Variants in CNTNAP2 observed in about 807,000 individuals in gnomAD.
CNTNAP2 encodes contactin-associated protein-like 2.
A neutral mutation model predicts 155.2 loss-of-function variants in CNTNAP2; 98 were observed. That is an observed-to-expected ratio of 0.63 (90% CI 0.54 to 0.75). The LOEUF is 0.75. Among genes scored for constraint, CNTNAP2 ranks in the 30% least tolerant of loss-of-function variants. CNTNAP2 has a pLI of 0.00. For synonymous variants in CNTNAP2, 651 were observed against 631.2 expected, an observed-to-expected ratio of 1.03 and a Z score of -0.47; for missense variants, 1,727 against 1,688.1, an observed-to-expected ratio of 1.02 and a Z score of -0.40.
intron 1 of CNTNAP2, among the ~76,000 whole-genome samples, chr7:146,122,665 C>CATTA (rs1465412521): frequency 6.6e-6 from 1 of 152,148 alleles, no homozygotes; most frequent in East Asian, 1.9e-4. Context: ...TTCATTCATT[C>CATTA]ATTCATTCAT....
At chr7:147,817,505 G>A (rs144487739) in intron 13 of CNTNAP2, among the ~76,000 whole-genome samples, 63 of 152,250 alleles carry the variant, frequency 4.1e-4, no homozygotes, top group Middle Eastern at 3.4e-3. Context: ...AGTGTATATT[G>A]CTCAGTTGAT....
At chr7:146,759,821 G>T (rs928295452) in intron 1 of CNTNAP2, among the ~76,000 whole-genome samples, 20 of 151,998 alleles carry the variant, frequency 1.3e-4, no homozygotes, top group South Asian at 4.2e-4. Flanking sequence ...TATGGAAAAA[G>T]GTTCGCAGTT....
chr7:147,569,242 G>A (rs1053667627), intron 12 of CNTNAP2, among the ~76,000 whole-genome samples: 5 of 152,088 alleles, frequency 3.3e-5, no homozygotes, highest in Non-Finnish European at 5.9e-5. Context: ...TATTAGTATC[G>A]TATTTAGTAT....
chr7:148,145,295 T>C (rs1161425752), intron 16 of CNTNAP2, among the ~76,000 whole-genome samples: 3 of 152,068 alleles, frequency 2.0e-5, no homozygotes, highest in African/African-American at 7.2e-5. Context: ...CAGAATAAAA[T>C]ATTGATGTTA....
intron 4 of CNTNAP2, among the ~76,000 whole-genome samples, chr7:147,106,224 C>T (rs753649670): frequency 1.3e-5 from 2 of 152,016 alleles, no homozygotes; most frequent in South Asian, 4.2e-4. Context: ...AAATTGACTG[C>T]AAAACTACTG....
chr7:147,781,879 T>C (rs1428556310), intron 13 of CNTNAP2, among the ~76,000 whole-genome samples: 5 of 151,994 alleles, frequency 3.3e-5, no homozygotes, highest in East Asian at 1.9e-4. Flanking sequence ...AAAAATTAGC[T>C]GGGCGTGGCG....
chr7:146,320,574 T>C (rs919851241), intron 1 of CNTNAP2, among the ~76,000 whole-genome samples: 35 of 152,178 alleles, frequency 2.3e-4, no homozygotes, highest in Non-Finnish European at 1.3e-4. Flanking sequence ...GACTCTATGA[T>C]CAGAACTAAT....
At position 146,616,518 on chromosome 7, in the gene CNTNAP2, A is replaced by G. The variant is rs192860216; in HGVS notation, c.98-157753A>G. ...TCTTCGTCACTTAACCCCAGCTTCA[A>G]TGAAGTTGTTCAGATGGTTGGTGTT... is the stretch of plus-strand genomic sequence containing the variant. On this transcript the variant is annotated intron_variant, in intron 1 of 23. Coordinates refer to ENST00000361727, the MANE Select transcript of CNTNAP2 (RefSeq NM_014141.6). Among the ~76,000 whole-genome samples the G allele has an allele frequency of 2.1e-4, 32 of 152,276 alleles. No homozygotes were observed. The South Asian group carries it at 5.8e-3, about 28-fold the overall frequency.
chr7:146,583,838 A>T (rs1798648277), intron 1 of CNTNAP2, among the ~76,000 whole-genome samples: 1 of 152,176 alleles, frequency 6.6e-6, no homozygotes, highest in Admixed American at 6.5e-5. Context: ...AATACCCTAA[A>T]GATATTGTGA....
At chr7:147,431,127 G>C (rs1167141529) in intron 10 of CNTNAP2, among the ~76,000 whole-genome samples, 1 of 151,840 alleles carries the variant, frequency 6.6e-6, no homozygotes, top group Non-Finnish European at 1.5e-5. Flanking sequence ...CAGGTCATAT[G>C]GTATGACTGG....
intron 15 of CNTNAP2, among the ~76,000 whole-genome samples, chr7:148,061,817 T>A (rs1418994143): frequency 6.6e-6 from 1 of 150,736 alleles, no homozygotes; most frequent in East Asian, 2.0e-4. Context: ...TGTGCATGTG[T>A]GTGTGTAGTC....
intron 6 of CNTNAP2, among the ~76,000 whole-genome samples, chr7:147,127,053 G>A (rs1231245111): frequency 3.3e-5 from 5 of 152,022 alleles, no homozygotes; most frequent in East Asian, 3.9e-4. Flanking sequence ...AAACATTGAC[G>A]GTATTATTAC....
chr7:148,363,827 C>T (rs1217105671), intron 21 of CNTNAP2, among the ~76,000 whole-genome samples: 2 of 140,488 alleles, frequency 1.4e-5, no homozygotes, highest in Admixed American at 6.9e-5. Flanking sequence ...GGGAGAGGCA[C>T]GAGCGGGAAC....
intron 13 of CNTNAP2, among the ~76,000 whole-genome samples, chr7:147,661,555 CTTTT>C (rs71937773): frequency 5.7e-5 from 8 of 139,574 alleles, no homozygotes; most frequent in African/African-American, 1.1e-4. Context: ...TCTTCTTCTT[CTTTT>C]TTTTTTTTTT....
intron 3 of CNTNAP2, among the ~76,000 whole-genome samples, chr7:146,883,420 T>C (rs1005089939): frequency 6.6e-6 from 1 of 152,176 alleles, no homozygotes; most frequent in Non-Finnish European, 1.5e-5. Flanking sequence ...GTGTTCAAAT[T>C]TGCAGTTATT....
chr7:147,116,406 C>T (rs1800990179), intron 5 of CNTNAP2, among the ~76,000 whole-genome samples: 1 of 152,172 alleles, frequency 6.6e-6, no homozygotes, highest in Non-Finnish European at 1.5e-5. Context: ...TCTCCAAGGC[C>T]CACAGGCTGG....
chr7:148,353,549 C>G (rs1798464269), intron 21 of CNTNAP2, among the ~76,000 whole-genome samples: 1 of 152,158 alleles, frequency 6.6e-6, no homozygotes, highest in Admixed American at 6.5e-5. Context: ...TACACATTTT[C>G]TTATACAAGT....
At chr7:147,284,635 A>T (rs1805135799) in intron 8 of CNTNAP2, among the ~76,000 whole-genome samples, 1 of 151,940 alleles carries the variant, frequency 6.6e-6, no homozygotes, top group Non-Finnish European at 1.5e-5. Flanking sequence ...CCACAAAAAG[A>T]CTTGGTAACA....
At chr7:146,654,144 T>C (rs1799958756) in intron 1 of CNTNAP2, among the ~76,000 whole-genome samples, 1 of 152,008 alleles carries the variant, frequency 6.6e-6, no homozygotes, top group Non-Finnish European at 1.5e-5. Flanking sequence ...GGGGTAGAAC[T>C]CTAATAACAA....
Sources: gnomAD v4.1 joint callset for allele counts (sites outside exome capture counted in the v4.1 genomes callset) on GRCh38, gnomAD v4.1.1 for gene constraint, MANE v1.5 for transcripts, NCBI Gene and HGNC (gene_info 2026-07-23, HGNC 2026-07-21) for gene names.